Variants in PCDHGB5 observed in about 807,000 individuals in gnomAD.
PCDHGB5 encodes the protein protocadherin gamma subfamily B, 5, also known as protocadherin gamma-B5.
PCDHGB5 carries 48 observed loss-of-function variants against 62.9 expected under a neutral mutation model. The ratio of observed to expected loss-of-function variants is 0.76; its 90% confidence interval spans 0.61 to 0.97. PCDHGB5 has a LOEUF of 0.97. Ranked by LOEUF, PCDHGB5 falls within the 50% of genes least tolerant of loss-of-function variation. The pLI, the probability that PCDHGB5 is intolerant of heterozygous loss-of-function variation, is 0.00. For synonymous variants in PCDHGB5, 474 were observed against 511.2 expected, an observed-to-expected ratio of 0.93 and a Z score of 0.98; for missense variants, 1,118 against 1,198.6, an observed-to-expected ratio of 0.93 and a Z score of 0.99.
intron 1 of PCDHGB5, among the ~76,000 whole-genome samples, chr5:141,488,190 G>A (rs1162264945): frequency 1.3e-5 from 2 of 152,164 alleles, no homozygotes; most frequent in African/African-American, 4.8e-5. Flanking sequence ...CTTTTGGTCT[G>A]GGTCTTAGGA....
At chr5:141,479,535 G>A (rs539785154) in intron 1 of PCDHGB5, 2 of 152,378 alleles carry the variant, frequency 1.3e-5, no homozygotes, top group Non-Finnish European at 2.9e-5. Context: ...AAGTGGAGAA[G>A]GTCAAAACTG....
At position 141,490,782 on chromosome 5, in the gene PCDHGB5, ACGGATCTTTGCC is replaced by A; in HGVS notation, c.2398-4023_2398-4012del. 6.2e-7 allele frequency: 1 copy of A among 1,614,054 alleles called. No individual in the cohort carries two copies. Among genetic ancestry groups the A allele is most frequent in the Non-Finnish European group, 8.5e-7 (1 of 1,179,952 alleles). ...TTGTGTATGTCAACCCAGAGGATGGACGGATCTTTGCCCAGCGTACCTTTGACTATGAATTGC... is the reference window on the plus strand; with the variant it reads ...TTGTGTATGTCAACCCAGAGGATGGACAGCGTACCTTTGACTATGAATTGC... On this transcript the variant is annotated intron_variant, in intron 1 of 3. Transcript: ENST00000617380. This position sits in a 1 kb window ranked among gnomAD's most constrained non-coding sequence, Gnocchi z 5.4.
Position 141,399,146 on chromosome 5 carries a change from G to A in PCDHGB5, c.1019G>A (p.Ser340Asn). Reference protein sequence around the residue: ...EINIQDENDNSPEVTFHSLLE... With the variant: ...EINIQDENDNNPEVTFHSLLE... Reference sequence around the variant, plus strand: ...AATATTCAAGATGAAAATGACAATAGCCCAGAAGTTACATTCCATTCTCTA... The same window carrying A: ...AATATTCAAGATGAAAATGACAATAACCCAGAAGTTACATTCCATTCTCTA... Residue 340 changes from serine (S) to asparagine (N), a missense_variant, in exon 1 of 4, where the codon AGC becomes AAC. Coordinates refer to ENST00000617380, the MANE Select transcript of PCDHGB5 (RefSeq NM_018925.3). 4 of 1,613,792 alleles carry A rather than the reference G, an allele frequency of 2.5e-6. No homozygotes were observed. The highest frequency in any genetic ancestry group is 3.4e-6 in the Non-Finnish European group (4 of 1,179,816).
chr5:141,418,323 A>G, intron 1 of PCDHGB5: 2 of 1,614,004 alleles, frequency 1.2e-6, no homozygotes, highest in Non-Finnish European at 1.7e-6. Flanking sequence ...ACAATTCTTG[A>G]GTCTGCAGAA....
Position 141,476,019 on chromosome 5 carries a change from C to T in PCDHGB5, c.2398-18788C>T, listed in dbSNP as rs964061075. The T allele has an allele frequency of 3.9e-5, 54 of 1,390,282 alleles. 1 individual carries two copies. Among genetic ancestry groups the T allele is most frequent in the Non-Finnish European group, 4.9e-5 (51 of 1,034,212 alleles). 86.1% of individuals were successfully genotyped at this position (1,390,282 alleles called of 1,614,324 possible). A position where few individuals can be genotyped will look rare whatever the true frequency, so the allele number is the denominator to read the frequency against. Reference sequence around the variant, plus strand: ...ACGGCATCCAGAAAGCCATGTCGGACTCGGCGCCCAGCGCCCAAGCGCTAA... The same window carrying T: ...ACGGCATCCAGAAAGCCATGTCGGATTCGGCGCCCAGCGCCCAAGCGCTAA... On this transcript the variant is annotated intron_variant, in intron 1 of 3. Transcript: ENST00000617380. This position sits in a 1 kb window ranked among gnomAD's most constrained non-coding sequence, Gnocchi z 7.6.
intron 2 of PCDHGB5, among the ~76,000 whole-genome samples, chr5:141,500,469 A>G (rs917974103): frequency 1.3e-5 from 2 of 152,052 alleles, no homozygotes; most frequent in East Asian, 1.9e-4. Context: ...TCGGCCTCCC[A>G]AAGTGCTGGG....
In PCDHGB5 at chr5:141,472,816, G is replaced by A. The variant is rs1186234004; in HGVS notation, c.2398-21991G>A. On this transcript the variant is annotated intron_variant, in intron 1 of 3. Transcript: ENST00000617380. ...GCCTGACCAACATGGAGAAACCCCC[G>A]TCTCTACTAAAAATAGAAAATTAGC... 4.6e-5 allele frequency among the ~76,000 whole-genome samples: 7 copies of A among 151,374 alleles called. No individual in the cohort carries two copies. In the South Asian group the frequency reaches 6.2e-4, roughly 14 times the overall value.
At position 141,431,274 on chromosome 5, in the gene PCDHGB5, TC is replaced by T. The variant is rs767658803; in HGVS notation, c.2397+30751del. On this transcript the variant is annotated intron_variant, in intron 1 of 3. Transcript: ENST00000617380. The surrounding 1 kb of genome is among the most constrained non-coding windows in gnomAD (Gnocchi z 4.8). ...AAGAACTCTCTGCAGAGCTACGAGC[TC>T]AGCCCGAACACTCACTTCTCCCTCA... 6 of 1,614,128 alleles carry T rather than the reference TC, an allele frequency of 3.7e-6. No homozygotes were observed. Among genetic ancestry groups the T allele is most frequent in the Non-Finnish European group, 5.1e-6 (6 of 1,180,024 alleles).
At chr5:141,408,990 A>T (rs1554103244) in intron 1 of PCDHGB5, 1 of 1,613,984 alleles carries the variant, frequency 6.2e-7, no homozygotes, top group South Asian at 1.1e-5. Flanking sequence ...CCTGTGTTGC[A>T]AGTGACAGCC....
chr5:141,453,545 A>T (rs2098768582), intron 1 of PCDHGB5, among the ~76,000 whole-genome samples: 1 of 151,998 alleles, frequency 6.6e-6, no homozygotes, highest in African/African-American at 2.4e-5. Flanking sequence ...TTCACACCAC[A>T]CTCTGTAGAT....
intron 1 of PCDHGB5, chr5:141,415,797 C>G (rs940812419): frequency 3.9e-5 from 52 of 1,331,434 alleles, no homozygotes; most frequent in Non-Finnish European, 4.8e-5. Context: ...TTCACCTAGT[C>G]TCAATCAAGG....
intron 1 of PCDHGB5, chr5:141,403,572 C>T (rs749341214): frequency 1.9e-6 from 3 of 1,613,946 alleles, no homozygotes; most frequent in Non-Finnish European, 8.5e-7. Flanking sequence ...GAGGCAACTG[C>T]CCACCACCTG....
chr5:141,475,013 G>C (rs950376592), intron 1 of PCDHGB5, among the ~76,000 whole-genome samples: 1 of 152,176 alleles, frequency 6.6e-6, no homozygotes, highest in Non-Finnish European at 1.5e-5. Flanking sequence ...AAAAGTTAAG[G>C]CTCTTTATTC....
rs1001902282 is a variant in PCDHGB5 at position 141,398,280 on chromosome 5, C to T, written c.153C>T (p.Ala51=). The T allele has an allele frequency of 1.4e-5, 19 of 1,405,808 alleles. No homozygotes were observed. Among genetic ancestry groups the T allele is most frequent in the Non-Finnish European group, 1.8e-5 (19 of 1,028,352 alleles). 87.1% of individuals were successfully genotyped at this position (1,405,808 alleles called of 1,614,324 possible). A position where few individuals can be genotyped will look rare whatever the true frequency, so the allele number is the denominator to read the frequency against. The change falls in exon 1 of 4, where the codon GCC becomes GCT. Residue 51 remains alanine, a synonymous_variant. Coordinates refer to ENST00000617380, the MANE Select transcript of PCDHGB5 (RefSeq NM_018925.3). ...AGGGCTCCGTAGTGGGGAACCTCGC[C>T]ACGGACCTGGGGTTCAGCGTCCAGG... ...MPKGSVVGNL[A]TDLGFSVQEL...
chr5:141,460,592 G>C (rs796171299), intron 1 of PCDHGB5, among the ~76,000 whole-genome samples: 12 of 151,976 alleles, frequency 7.9e-5, no homozygotes, highest in African/African-American at 2.9e-4. Flanking sequence ...GTTTTTTCTG[G>C]GCTCTCTGTG....
In PCDHGB5 at chr5:141,489,958, C is replaced by T; in HGVS notation, c.2398-4849C>T. 1 of 1,614,202 alleles carries T rather than the reference C, an allele frequency of 6.2e-7. No individual in the cohort carries two copies. The highest frequency in any genetic ancestry group is 8.5e-7 in the Non-Finnish European group (1 of 1,180,016). On this transcript the variant is annotated intron_variant, in intron 1 of 3. Transcript: ENST00000617380. This position sits in a 1 kb window ranked among gnomAD's most constrained non-coding sequence, Gnocchi z 4.5. ...CGTGCTGGACATCAATGATAATGCT[C>T]CAACCTTCCAATCCTCAGTTCTACG... is the stretch of plus-strand genomic sequence containing the variant.
chr5:141,445,302 A>C (rs2098462947), intron 1 of PCDHGB5, among the ~76,000 whole-genome samples: 1 of 152,220 alleles, frequency 6.6e-6, no homozygotes, highest in African/African-American at 2.4e-5. Flanking sequence ...CATTCTCTTC[A>C]GTTTGTAGGT....
chr5:141,486,416 C>T lies in PCDHGB5; in HGVS notation c.2398-8391C>T, dbSNP rs2154580601. The T allele has an allele frequency of 6.2e-7, 1 of 1,614,152 alleles. No individual in the cohort carries two copies. The highest frequency in any genetic ancestry group is 8.5e-7 in the Non-Finnish European group (1 of 1,180,016). On this transcript the variant is annotated intron_variant, in intron 1 of 3. Coordinates refer to ENST00000617380, the MANE Select transcript of PCDHGB5 (RefSeq NM_018925.3). This position sits in a 1 kb window ranked among gnomAD's most constrained non-coding sequence, Gnocchi z 5.0. ...CCTGGTGACTGCTGGACCCTTGGAT[C>T]GAGAGGCCAAATCTAGCTATGACAT...
chr5:141,450,755 G>A (rs556795021), intron 1 of PCDHGB5, among the ~76,000 whole-genome samples: 8 of 152,040 alleles, frequency 5.3e-5, no homozygotes, highest in Admixed American at 1.3e-4. Context: ...CCAAAGTGCC[G>A]GGATTACAGG....
Sources: gnomAD v4.1 joint callset for allele counts (sites outside exome capture counted in the v4.1 genomes callset) on GRCh38, gnomAD v4.1.1 for gene constraint, Gnocchi (gnomAD v3.1) non-coding constraint, MANE v1.5 for transcripts, NCBI Gene and HGNC (gene_info 2026-07-23, HGNC 2026-07-21) for gene names.